The following RBFOX3 variants were observed in gnomAD, a reference collection of about 807,000 sequenced individuals.
RBFOX3 encodes the protein RNA binding fox-1 homolog 3.
A neutral mutation model predicts 48.7 loss-of-function variants in RBFOX3; 17 were observed. The observed-to-expected ratio is 0.35, with a 90% CI of 0.24 to 0.52. The LOEUF is 0.52. RBFOX3 is among the 20% of genes least tolerant of loss of function. The pLI, the probability that RBFOX3 is intolerant of heterozygous loss-of-function variation, is 0.94. For missense variants in RBFOX3, 382 were observed against 497.5 expected (o/e 0.77, Z 2.21); for synonymous variants, 212 against 209.5 (o/e 1.01, Z -0.10).
chr17:79,235,960 C>G (rs552832299), intron 3 of RBFOX3, among the ~76,000 whole-genome samples, 155 bp from the exon 4 acceptor site: 2 of 152,298 alleles, frequency 1.3e-5, no homozygotes, highest in African/African-American at 4.8e-5. Flanking sequence ...CCTGGGTTAA[C>G]CTCTGGCTGC....
At chr17:79,394,552 A>T (rs1005254922) in intron 2 of RBFOX3, among the ~76,000 whole-genome samples, 2 of 152,212 alleles carry the variant, frequency 1.3e-5, no homozygotes, top group Non-Finnish European at 2.9e-5. Flanking sequence ...CCAGGACAGG[A>T]GGCTGACAGT....
At chr17:79,371,011 G>A (rs1289871252) in intron 2 of RBFOX3, among the ~76,000 whole-genome samples, 2 of 152,244 alleles carry the variant, frequency 1.3e-5, no homozygotes, top group African/African-American at 4.8e-5. Context: ...AGGGGGTTAG[G>A]GAGGGAAGGG....
At chr17:79,621,919 G>A in the RBFOX3 span, among the ~76,000 whole-genome samples, 10 of 152,222 alleles carry the variant, frequency 6.6e-5, no homozygotes, top group East Asian at 1.2e-3. Context: ...AGAGACACCC[G>A]AATCCGGGGA....
chr17:79,532,835 G>A (rs913002192), intron 1 of RBFOX3, among the ~76,000 whole-genome samples: 1 of 152,190 alleles, frequency 6.6e-6, no homozygotes, highest in African/African-American at 2.4e-5. Context: ...ACACGTGTGT[G>A]TGTGTGCACG....
At chr17:79,608,381 G>A (rs2093885060) in intron 1 of RBFOX3, among the ~76,000 whole-genome samples, 1 of 152,218 alleles carries the variant, frequency 6.6e-6, no homozygotes, top group Admixed American at 6.5e-5. Flanking sequence ...ACCCAGAGGC[G>A]ACCCGAGGTC....
intron 1 of RBFOX3, among the ~76,000 whole-genome samples, chr17:79,589,596 C>G (rs1422330974): frequency 1.3e-5 from 2 of 152,208 alleles, no homozygotes; most frequent in Non-Finnish European, 2.9e-5. Context: ...CAATCTCCTC[C>G]CTGCTGCCTG....
At chr17:79,339,215 C>G (rs192482501) in intron 2 of RBFOX3, among the ~76,000 whole-genome samples, 1 of 152,036 alleles carries the variant, frequency 6.6e-6, no homozygotes, top group African/African-American at 2.4e-5. Context: ...CCACCACACT[C>G]GGATAATTTT....
At chr17:79,110,513 C>G (rs1289577066) in intron 5 of RBFOX3, among the ~76,000 whole-genome samples, 1 of 152,216 alleles carries the variant, frequency 6.6e-6, no homozygotes, top group Non-Finnish European at 1.5e-5. Flanking sequence ...TGCTGTGGCA[C>G]CACATGAACC....
chr17:79,176,037 C>G (rs1201343189), intron 4 of RBFOX3, among the ~76,000 whole-genome samples: 1 of 152,200 alleles, frequency 6.6e-6, no homozygotes. Flanking sequence ...CCAGGAAGGG[C>G]AGGACAGGGT....
At chr17:79,505,208 G>T (rs2082920003) in intron 1 of RBFOX3, among the ~76,000 whole-genome samples, 1 of 152,192 alleles carries the variant, frequency 6.6e-6, no homozygotes, top group East Asian at 1.9e-4. Context: ...CATCATGATC[G>T]CTTCAGAAGA....
At chr17:79,431,916 C>T (rs72853549) in intron 2 of RBFOX3, among the ~76,000 whole-genome samples, 34,187 of 152,184 alleles carry the variant, frequency 0.22, 4,689 homozygotes, top group Non-Finnish European at 0.3. Context: ...TTTTATCTTC[C>T]CAAACTGAAA....
intron 2 of RBFOX3, among the ~76,000 whole-genome samples, chr17:79,333,704 C>T (rs1186558270): frequency 2.0e-5 from 3 of 152,178 alleles, no homozygotes; most frequent in Non-Finnish European, 4.4e-5. Context: ...TTCCCAAAGA[C>T]ACACCCACAG....
At chr17:79,556,542 G>T (rs2091775169) in intron 1 of RBFOX3, among the ~76,000 whole-genome samples, 1 of 152,170 alleles carries the variant, frequency 6.6e-6, no homozygotes, top group Non-Finnish European at 1.5e-5. Flanking sequence ...AGGAGGAGGA[G>T]CTGTAACCAC....
chr17:79,472,847 C>A (rs1402923906), intron 2 of RBFOX3, among the ~76,000 whole-genome samples: 2 of 152,208 alleles, frequency 1.3e-5, no homozygotes, highest in Non-Finnish European at 2.9e-5. Context: ...ACTTCTCAAA[C>A]CATCTGTGGT....
chr17:79,101,657 G>A lies in RBFOX3; in HGVS notation c.508-13C>T. 6.4e-7 allele frequency: 1 copy of A among 1,550,692 alleles called. No homozygotes were observed. On this transcript the variant is annotated splice_polypyrimidine_tract_variant and intron_variant, in intron 8 of 14. Transcript: ENST00000693108. ...TGGCATTATTGACCTGTTCAAAGAG[G>A]GAAGGAGAGAGAGGAAGAGGGAGGA...
intron 1 of RBFOX3, among the ~76,000 whole-genome samples, chr17:79,582,782 CAAAAAAAAAAAAA>C (rs36155299): frequency 1.1e-4 from 5 of 46,898 alleles, no homozygotes; most frequent in South Asian, 1.1e-3. Flanking sequence ...GACCCCGTCT[CAAAAAAAAAAAAA>C]AAAAAAAAAA....
At chr17:79,559,841 ATGGG>A (rs2092081229) in intron 1 of RBFOX3, among the ~76,000 whole-genome samples, 1 of 118,242 alleles carries the variant, frequency 8.5e-6, no homozygotes, top group African/African-American at 3.3e-5. Context: ...TGGTGAATGA[ATGGG>A]TGGATGGATG....
At chr17:79,170,037 GGAA>G (rs1467635489) in intron 4 of RBFOX3, among the ~76,000 whole-genome samples, 1 of 139,210 alleles carries the variant, frequency 7.2e-6, no homozygotes, top group African/African-American at 2.9e-5. Flanking sequence ...AAGGAGAGAA[GGAA>G]GGAGAAGAGG....
At chr17:79,520,441 C>A (rs938808699) in intron 1 of RBFOX3, among the ~76,000 whole-genome samples, 6 of 152,182 alleles carry the variant, frequency 3.9e-5, no homozygotes. Context: ...CTCCTGTGCG[C>A]ACGTGCCAGG....
Sources: gnomAD v4.1 joint callset for allele counts (sites outside exome capture counted in the v4.1 genomes callset) on GRCh38, gnomAD v4.1.1 for gene constraint, MANE v1.5 for transcripts, NCBI Gene and HGNC (gene_info 2026-07-23, HGNC 2026-07-21) for gene names.